COL12A1: variants seen among roughly 807,000 people sequenced by gnomAD.
The protein encoded by COL12A1 is collagen alpha-1(XII) chain.
A neutral mutation model predicts 349.7 loss-of-function variants in COL12A1; 114 were observed. That is an observed-to-expected ratio of 0.33 (90% CI 0.28 to 0.38). The LOEUF (loss-of-function observed/expected upper bound fraction) is 0.38. COL12A1 is among the 10% of genes least tolerant of loss of function. The pLI is 1.00. For missense variants in COL12A1, 3,284 were observed against 3,756.9 expected (o/e 0.87, Z 3.29); for synonymous variants, 1,369 against 1,329.0 (o/e 1.03, Z -0.66).
At chr6:75,171,367 T>C (rs1290382971) in intron 13 of COL12A1, among the ~76,000 whole-genome samples, 1 of 152,112 alleles carries the variant, frequency 6.6e-6, no homozygotes, top group African/African-American at 2.4e-5. Context: ...CTAATAAATC[T>C]CTCTTCCAGC....
chr6:75,146,896 A>T (rs576302763), intron 23 of COL12A1, among the ~76,000 whole-genome samples: 1 of 152,358 alleles, frequency 6.6e-6, no homozygotes, highest in South Asian at 2.1e-4. Flanking sequence ...AAGAGAAGAG[A>T]TAAGGATCTA....
intron 43 of COL12A1, among the ~76,000 whole-genome samples, chr6:75,122,799 G>T (rs1765811738): frequency 6.6e-6 from 1 of 152,182 alleles, no homozygotes. Context: ...CTAGAGAATT[G>T]CCCTCAAATG....
Position 75,119,147 on chromosome 6 carries a change from C to A in COL12A1, c.7250G>T (p.Trp2417Leu), listed in dbSNP as rs755614789. The change falls in exon 46 of 66, where the codon TGG (tryptophan) becomes TTG (leucine). Residue 2417 changes from tryptophan (W) to leucine (L), a missense_variant. By Grantham distance (61) the Trp-to-Leu change is moderately conservative. Transcript: ENST00000322507. ...LTFIKEKVLT[W>L]ESGMRKNVPK... ...GACATTCTTCCTCATGCCGCTCTCC[C>A]AAGTCAAGACTTTCTCCTTGATAAA... is the stretch of plus-strand genomic sequence containing the variant. The A allele has an allele frequency of 3.3e-5, 54 of 1,613,842 alleles. No individual in the cohort carries two copies. The highest frequency in any genetic ancestry group is 4.5e-5 in the Non-Finnish European group (53 of 1,179,920).
Position 75,146,156 on chromosome 6 carries a change from G to A in COL12A1, c.4506C>T (p.Gly1502=), listed in dbSNP as rs199901074. ...VQWQPVGGAT[G]YILSYKPVKD... Reference sequence around the variant, plus strand: ...TAACAGGTTTGTATGACAAGATGTAGCCAGTAGCTCCTCCCACAGGCTGCC... The same window carrying A: ...TAACAGGTTTGTATGACAAGATGTAACCAGTAGCTCCTCCCACAGGCTGCC... Residue 1502 remains glycine, a synonymous_variant, in exon 24 of 66, where the codon GGC becomes GGT. Coordinates refer to ENST00000322507, the MANE Select transcript of COL12A1 (RefSeq NM_004370.6). The A allele has an allele frequency of 6.2e-7, 1 of 1,613,436 alleles. No individual in the cohort carries two copies. Among genetic ancestry groups the A allele is most frequent in the African/African-American group, 1.3e-5 (1 of 74,986 alleles).
chr6:75,101,918 T>C, intron 57 of COL12A1, 81 bp downstream of exon 57: 4 of 1,462,656 alleles, frequency 2.7e-6, no homozygotes. Context: ...CTTTGCTACT[T>C]AATCTGGGTT....
Position 75,102,613 on chromosome 6 carries a change from G to A in COL12A1, c.8399C>T (p.Ser2800Phe). The change falls in exon 56 of 66, where the codon TCT becomes TTT. Residue 2800 changes from serine to phenylalanine, a missense_variant. By Grantham distance (155) the Ser-to-Phe change is radical. Around this residue, in one of 2 missense-constraint regions of COL12A1, gnomAD observed 683 missense variants for 932.1 expected, o/e 0.73. Transcript: ENST00000322507. The stretch of plus-strand genomic sequence containing the variant: ...TGTGCTTACTTGCTCTCCCGGAATA[G>A]AGAGTCCATTGGGTCCCTGAGGGCC... ...PPGPQGPNGL[S>F]IPGEQGRQGM... 6.4e-7 allele frequency: 1 copy of A among 1,558,000 alleles called. No individual in the cohort carries two copies. The highest frequency in any genetic ancestry group is 1.2e-5 in the South Asian group (1 of 82,600).
chr6:75,101,563 T>C, intron 58 of COL12A1, 37 bp downstream of exon 58: 2 of 1,595,436 alleles, frequency 1.3e-6, no homozygotes, highest in Non-Finnish European at 1.7e-6. Context: ...TATGACATCA[T>C]TTCCAACATC....
At chr6:75,165,452 G>A (rs981244008) in intron 14 of COL12A1, 55 bp downstream of exon 14, 1 of 1,576,160 alleles carries the variant, frequency 6.3e-7, no homozygotes, top group African/African-American at 1.3e-5. Flanking sequence ...CACTTGAGCT[G>A]ATAACTATTG....
Position 75,191,749 on chromosome 6 carries a change from T to C in COL12A1, c.346A>G (p.Ser116Gly), listed in dbSNP as rs1465187188. ...TTCTTCTCCACTGGCTTTGTCGAAC[T>C]ACCTGTTTGAACTAAGTTAAAACTT... is the stretch of plus-strand genomic sequence containing the variant. ...VIGQLTIQTG[S>G]STKPVEKKPG... Residue 116 changes from serine (S) to glycine (G), a missense_variant, in exon 5 of 66, where the codon AGT (serine) becomes GGT (glycine). Coordinates refer to ENST00000322507, the MANE Select transcript of COL12A1 (RefSeq NM_004370.6). The C allele has an allele frequency of 3.8e-6, 6 of 1,595,452 alleles. No individual in the cohort carries two copies. Among genetic ancestry groups the C allele is most frequent in the Non-Finnish European group, 5.1e-6 (6 of 1,170,526 alleles).
Position 75,138,697 on chromosome 6 carries a change from A to G in COL12A1, c.5098-117T>C, listed in dbSNP as rs1372522633. 3.2e-6 allele frequency: 5 copies of G among 1,549,610 alleles called. No individual in the cohort carries two copies. The East Asian group carries it at 1.1e-4, about 35-fold the overall frequency. On this transcript the variant is annotated intron_variant, in intron 28 of 65. Transcript: ENST00000322507. ...CCAGATGTTCCTCCTGCTCTGATGC[A>G]TGTCATGAGCTCAAATGTCAATAAA... is the stretch of plus-strand genomic sequence containing the variant.
chr6:75,155,474 A>G (rs943363395), intron 16 of COL12A1, among the ~76,000 whole-genome samples, 188 bp downstream of exon 16: 2 of 152,178 alleles, frequency 1.3e-5, no homozygotes, highest in Non-Finnish European at 2.9e-5. Context: ...TCTGTTGCTG[A>G]CCCCTGAATC....
chr6:75,194,472 C>T (rs1770115708), intron 3 of COL12A1, among the ~76,000 whole-genome samples: 1 of 152,056 alleles, frequency 6.6e-6, no homozygotes, highest in African/African-American at 2.4e-5. Context: ...CTTACTTCAT[C>T]AGCTGATACT....
At chr6:75,112,992 T>A in intron 51 of COL12A1, 1 of 309,704 alleles carries the variant, frequency 3.2e-6, no homozygotes, top group Admixed American at 4.8e-5. Flanking sequence ...AAATAAGCAT[T>A]AAAAATAAAT....
chr6:75,087,781 C>T, intron 64 of COL12A1, 34 bp from the exon 65 acceptor site: 1 of 1,596,358 alleles, frequency 6.3e-7, no homozygotes, highest in Non-Finnish European at 8.5e-7. Flanking sequence ...TATTTCCCCT[C>T]TTGTCAAATA....
chr6:75,099,933 C>CGTTTT (rs1399209463), intron 58 of COL12A1, among the ~76,000 whole-genome samples: 3 of 152,074 alleles, frequency 2.0e-5, no homozygotes, highest in African/African-American at 7.2e-5. Context: ...ACTGAGTTCA[C>CGTTTT]GTTTTGTTTT....
At chr6:75,182,466 G>A (rs1769368553) in intron 10 of COL12A1, among the ~76,000 whole-genome samples, 1 of 152,124 alleles carries the variant, frequency 6.6e-6, no homozygotes, top group East Asian at 1.9e-4. Context: ...GCAGTGTTTG[G>A]TTTTCTGTTC....
rs1302379629 is a variant in COL12A1, at chr6:75,202,707, G to A, written c.73+13C>T. 4 of 1,551,180 alleles carry A rather than the reference G, an allele frequency of 2.6e-6. No individual in the cohort carries two copies. The highest frequency in any genetic ancestry group is 2.6e-6 in the Non-Finnish European group (3 of 1,146,590). On this transcript the variant is annotated intron_variant, in intron 2 of 65. Coordinates refer to ENST00000322507, the MANE Select transcript of COL12A1 (RefSeq NM_004370.6). ...TGCATTGTCACTCGGTGAAGGGGAA[G>A]GGAGCCTTTTACCTTCTGCCTCAAT... is the stretch of plus-strand genomic sequence containing the variant.
intron 47 of COL12A1, 81 bp from the exon 48 acceptor site, chr6:75,116,138 T>A: frequency 7.9e-7 from 1 of 1,271,192 alleles, no homozygotes; most frequent in Non-Finnish European, 1.1e-6. Context: ...GCAATGAACG[T>A]ATTTCAAGTA....
chr6:75,102,299 T>C (rs562938704), intron 56 of COL12A1, among the ~76,000 whole-genome samples: 2 of 152,344 alleles, frequency 1.3e-5, no homozygotes, highest in South Asian at 4.1e-4. Context: ...TATATAATTA[T>C]GGGATATTAT....
Sources: allele counts gnomAD v4.1 joint callset (sites outside exome capture counted in the v4.1 genomes callset), GRCh38; gene constraint gnomAD v4.1.1; regional missense constraint gnomAD v4.1.1; transcripts MANE v1.5; gene names NCBI Gene and HGNC (gene_info 2026-07-23, HGNC 2026-07-21).